The following GIGYF2 variants were observed in gnomAD, a reference collection of about 807,000 sequenced individuals.
GIGYF2 encodes the protein GRB10-interacting GYF protein 2.
In GIGYF2, 25 loss-of-function variants were observed where a neutral mutation model predicts 208.1. The observed-to-expected ratio is 0.12, with a 90% CI of 0.09 to 0.17. The LOEUF is 0.17. GIGYF2 is among the 10% of genes least tolerant of loss of function. GIGYF2 has a pLI of 1.00. For synonymous variants in GIGYF2, 534 were observed against 543.8 expected (o/e 0.98, Z 0.25); for missense variants, 1,302 against 1,579.4 (o/e 0.82, Z 2.98).
chr2:232,829,699 TC>T lies in GIGYF2; in HGVS notation c.2530-3153del, dbSNP rs765276917. 4.1e-4 allele frequency among the ~76,000 whole-genome samples: 62 copies of T among 152,132 alleles called. 2 individuals are homozygous for T. The highest frequency in any genetic ancestry group is 8.8e-5 in the Non-Finnish European group (6 of 68,022). On this transcript the variant is annotated intron_variant, in intron 21 of 28. Transcript: ENST00000373563. Reference sequence around the variant, plus strand: ...TTTCTGGTTCCCTTCCTTCTGATGGTCCCCCTTCCAAATTTCCCCCCCAGGT... The same window carrying T: ...TTTCTGGTTCCCTTCCTTCTGATGGTCCCCTTCCAAATTTCCCCCCCAGGT...
chr2:232,708,377 C>A (rs1289434574), intron 2 of GIGYF2, among the ~76,000 whole-genome samples: 2 of 151,758 alleles, frequency 1.3e-5, no homozygotes, highest in African/African-American at 2.4e-5. Flanking sequence ...AGTTTGGGGA[C>A]AGTGAACAGA....
intron 2 of GIGYF2, among the ~76,000 whole-genome samples, chr2:232,713,939 A>AT (rs1257135227): frequency 4.6e-4 from 62 of 135,856 alleles, no homozygotes; most frequent in African/African-American, 1.0e-3. Flanking sequence ...TGAGGAACTG[A>AT]TTTTTTTTTT....
chr2:232,858,074 A>C lies in GIGYF2; in HGVS notation c.*1214A>C. 1 of 179,178 alleles carries C rather than the reference A, an allele frequency of 5.6e-6. No homozygotes were observed. Among genetic ancestry groups the C allele is most frequent in the Admixed American group, 6.0e-5 (1 of 16,620 alleles). The allele number at this position is 179,178 out of a possible 1,614,324, so 11.1% of individuals were successfully genotyped here. ...TGGTCATGGCCTCCTAAAACCTTAA[A>C]CTTCAAGTAGAAATGTACTCAAGCC... On this transcript the variant is annotated 3_prime_UTR_variant, in exon 29 of 29. Transcript: ENST00000373563.
intron 2 of GIGYF2, among the ~76,000 whole-genome samples, chr2:232,728,827 A>G (rs1697323580): frequency 6.6e-6 from 1 of 152,234 alleles, no homozygotes; most frequent in African/African-American, 2.4e-5. Context: ...GGGAGGTCAT[A>G]GTTTCAACAA....
At chr2:232,733,896 C>T (rs1202204723) in intron 2 of GIGYF2, among the ~76,000 whole-genome samples, 1 of 152,062 alleles carries the variant, frequency 6.6e-6, no homozygotes, top group Non-Finnish European at 1.5e-5. Flanking sequence ...AAATTTTTTT[C>T]CATCCGAGGT....
intron 2 of GIGYF2, chr2:232,705,430 C>G (rs555407322): frequency 5.9e-5 from 9 of 152,236 alleles, no homozygotes; most frequent in Admixed American, 2.0e-4. Flanking sequence ...TTTGTTGAGA[C>G]AGAGTTGCAC....
At chr2:232,740,050 G>A (rs1697913054) in intron 3 of GIGYF2, among the ~76,000 whole-genome samples, 1 of 152,080 alleles carries the variant, frequency 6.6e-6, no homozygotes, top group Admixed American at 6.5e-5. Context: ...CACGGGAGGT[G>A]GAGGTTGCAG....
At chr2:232,798,959 C>T (rs1279238959) in intron 14 of GIGYF2, among the ~76,000 whole-genome samples, 1 of 150,216 alleles carries the variant, frequency 6.7e-6, no homozygotes, top group Non-Finnish European at 1.5e-5. Flanking sequence ...TGGCAATTAC[C>T]ATTGCCAGGG....
chr2:232,839,996 C>A (rs1353322632), intron 23 of GIGYF2, 25 bp downstream of exon 23: 4 of 1,609,586 alleles, frequency 2.5e-6, no homozygotes, highest in Non-Finnish European at 2.6e-6. Flanking sequence ...TAAAAGGGAT[C>A]TAGTCAAGCG....
At position 232,771,267 on chromosome 2, in the gene GIGYF2, A is replaced by T. The variant is rs1699234402; in HGVS notation, c.532+9831A>T. On this transcript the variant is annotated intron_variant, in intron 8 of 28. Transcript: ENST00000373563. ...GATATGCAAGACCTCTTTGAGCGCC[A>T]TCCATTTGAAGTGTGCTGTGGCCAT... 6.2e-7 allele frequency: 1 copy of T among 1,608,416 alleles called. No individual in the cohort carries two copies. Among genetic ancestry groups the T allele is most frequent in the Non-Finnish European group, 8.5e-7 (1 of 1,176,140 alleles).
At chr2:232,721,891 C>A (rs1041345352) in intron 2 of GIGYF2, among the ~76,000 whole-genome samples, 3 of 152,170 alleles carry the variant, frequency 2.0e-5, no homozygotes, top group African/African-American at 7.2e-5. Context: ...CTTTTACTTT[C>A]ATCTCTAGTT....
chr2:232,722,272 G>C (rs1696978899), intron 2 of GIGYF2, among the ~76,000 whole-genome samples: 1 of 152,200 alleles, frequency 6.6e-6, no homozygotes, highest in African/African-American at 2.4e-5. Context: ...GGCTGGGGAG[G>C]CCGCAGGAAA....
intron 2 of GIGYF2, among the ~76,000 whole-genome samples, chr2:232,708,287 A>T (rs758774017): frequency 1.3e-5 from 2 of 152,132 alleles, no homozygotes; most frequent in South Asian, 2.1e-4. Flanking sequence ...GAAGTTTCCC[A>T]TAATGTATTA....
intron 21 of GIGYF2, among the ~76,000 whole-genome samples, chr2:232,823,932 C>T (rs1386973159): frequency 1.1e-4 from 16 of 152,178 alleles, no homozygotes; most frequent in African/African-American, 2.7e-4. Flanking sequence ...TGTCACACTT[C>T]GGTAATTCTT....
intron 22 of GIGYF2, among the ~76,000 whole-genome samples, chr2:232,834,976 T>G (rs1254039354): frequency 1.3e-5 from 2 of 152,234 alleles, no homozygotes; most frequent in East Asian, 3.8e-4. Context: ...AGTAGGTGAT[T>G]GTTCAACCCT....
intron 9 of GIGYF2, among the ~76,000 whole-genome samples, chr2:232,790,323 A>G (rs1469451829): frequency 1.3e-5 from 2 of 152,220 alleles, no homozygotes; most frequent in African/African-American, 2.4e-5. Flanking sequence ...AAACTTCAGT[A>G]TGGAAGGATG....
intron 3 of GIGYF2, chr2:232,735,602 T>A: frequency 6.3e-6 from 3 of 478,586 alleles, no homozygotes; most frequent in Non-Finnish European, 8.4e-6. Flanking sequence ...TTATCATTGC[T>A]GTTCATAGAT....
At chr2:232,727,003 T>C (rs943021657) in intron 2 of GIGYF2, among the ~76,000 whole-genome samples, 1 of 152,202 alleles carries the variant, frequency 6.6e-6, no homozygotes, top group African/African-American at 2.4e-5. Flanking sequence ...CTTGCTCTGT[T>C]GCCCAGGCTG....
At chr2:232,725,957 A>T (rs7578385) in intron 2 of GIGYF2, among the ~76,000 whole-genome samples, 11,973 of 152,270 alleles carry the variant, frequency 0.079, 604 homozygotes, top group East Asian at 0.17. Flanking sequence ...GGCTACTTGT[A>T]AAAGTTTGGA....
Sources: allele counts gnomAD v4.1 joint callset (sites outside exome capture counted in the v4.1 genomes callset), GRCh38; gene constraint gnomAD v4.1.1; transcripts MANE v1.5; gene names NCBI Gene and HGNC (gene_info 2026-07-23, HGNC 2026-07-21).